Variants in CYP7B1 observed in about 807,000 individuals in gnomAD.
The protein encoded by CYP7B1 is cytochrome P450 7B1.
Under a neutral mutation model 42.7 loss-of-function variants are expected in CYP7B1, and 29 were observed. That is an observed-to-expected ratio of 0.68 (90% CI 0.51 to 0.93). CYP7B1 has a LOEUF of 0.93. Among genes scored for constraint, CYP7B1 ranks in the 40% least tolerant of loss-of-function variants. The probability of loss-of-function intolerance (pLI) is 0.00; values close to 1 mark genes in which losing one functional copy is unlikely to be tolerated. For missense variants in CYP7B1, 655 were observed against 600.5 expected (o/e 1.09, Z -0.95); for synonymous variants, 235 against 218.2 (o/e 1.08, Z -0.68).
At chr8:64,611,676 T>C (rs1390050556) in intron 4 of CYP7B1, among the ~76,000 whole-genome samples, 2 of 152,140 alleles carry the variant, frequency 1.3e-5, no homozygotes, top group Non-Finnish European at 2.9e-5. Flanking sequence ...TTAACATCCC[T>C]CACCTGGACC....
Position 64,616,212 on chromosome 8 carries a change from CTTAA to C in CYP7B1, c.325_328del (p.Leu109AlafsTer10). 1.2e-6 allele frequency: 2 copies of C among 1,610,260 alleles called. No individual in the cohort carries two copies. The highest frequency in any genetic ancestry group is 1.3e-5 in the African/African-American group (1 of 74,396). Reference sequence around the variant, plus strand: ...TAATTTATTAGAAAATACTCGAAAGCTTAATTGTTTATGATTTTTTATCACTAGC... The same window carrying C: ...TAATTTATTAGAAAATACTCGAAAGCTTGTTTATGATTTTTTATCACTAGC... On this transcript the variant is annotated frameshift_variant, in exon 3 of 6. Coordinates refer to ENST00000310193, the MANE Select transcript of CYP7B1 (RefSeq NM_004820.5). LOFTEE classifies it high-confidence loss of function.
At chr8:64,648,127 C>T (rs1229448209) in intron 1 of CYP7B1, among the ~76,000 whole-genome samples, 2 of 152,130 alleles carry the variant, frequency 1.3e-5, no homozygotes, top group Non-Finnish European at 2.9e-5. Flanking sequence ...TCAATGTTGA[C>T]AGAGGTGGGA....
rs1563374379 is a variant in CYP7B1, at chr8:64,643,170, T to TACATATATAC, written c.123-18632_123-18631insGTATATATGT. Among the ~76,000 whole-genome samples, 367 of 105,830 alleles carry TACATATATAC rather than the reference T, an allele frequency of 3.5e-3. 7 individuals carry two copies. Among genetic ancestry groups the TACATATATAC allele is most frequent in the African/African-American group, 0.011 (358 of 33,704 alleles). The allele number at this position is 105,830 out of a possible 152,430, so 69.4% of individuals were successfully genotyped here. On this transcript the variant is annotated intron_variant, in intron 1 of 5. Transcript: ENST00000310193. ...ACATATATACATATATACACATATA[T>TACATATATAC]ACATATATATACATATATATATACA... is the stretch of plus-strand genomic sequence containing the variant.
chr8:64,724,338 G>C (rs1216118366), intron 1 of CYP7B1, among the ~76,000 whole-genome samples: 2 of 152,096 alleles, frequency 1.3e-5, no homozygotes, highest in African/African-American at 4.8e-5. Flanking sequence ...GTACAGACGG[G>C]GTTTCACCAT....
chr8:64,642,151 T>A (rs1279184518), intron 1 of CYP7B1, among the ~76,000 whole-genome samples: 1 of 152,246 alleles, frequency 6.6e-6, no homozygotes, highest in East Asian at 1.9e-4. Flanking sequence ...ATGTACATTA[T>A]GATGTAATAC....
intron 1 of CYP7B1, among the ~76,000 whole-genome samples, chr8:64,772,534 G>A (rs1236360032): frequency 1.3e-5 from 2 of 152,192 alleles, no homozygotes; most frequent in Non-Finnish European, 2.9e-5. Context: ...TCACCCTGCA[G>A]ATTTTGGACT....
intron 1 of CYP7B1, among the ~76,000 whole-genome samples, chr8:64,718,572 G>C (rs1807191258): frequency 6.6e-6 from 1 of 152,196 alleles, no homozygotes; most frequent in Non-Finnish European, 1.5e-5. Flanking sequence ...TCCCCTTCTG[G>C]GGCATACATG....
intron 1 of CYP7B1, among the ~76,000 whole-genome samples, chr8:64,675,952 C>T (rs1174029639): frequency 6.6e-6 from 1 of 152,148 alleles, no homozygotes; most frequent in African/African-American, 2.4e-5. Flanking sequence ...CAAAATCACT[C>T]AGCACAAACT....
chr8:64,715,812 G>T (rs763346088), intron 1 of CYP7B1, among the ~76,000 whole-genome samples: 2 of 152,252 alleles, frequency 1.3e-5, no homozygotes, highest in African/African-American at 4.8e-5. Context: ...TTCTTAACAC[G>T]GACACAGCCT....
intron 1 of CYP7B1, among the ~76,000 whole-genome samples, chr8:64,784,006 C>T (rs1019327144): frequency 1.3e-5 from 2 of 152,024 alleles, no homozygotes; most frequent in Non-Finnish European, 2.9e-5. Context: ...TTTTATGAAT[C>T]ATTTTTCTTA....
In CYP7B1 at chr8:64,764,056, C is replaced by T. The variant is rs567260700; in HGVS notation, c.122+34410G>A. Among the ~76,000 whole-genome samples, 11 of 152,274 alleles carry T rather than the reference C, an allele frequency of 7.2e-5. No individual in the cohort carries two copies. The East Asian group carries it at 1.5e-3, about 21-fold the overall frequency. ...CATCTAGGCTATGAACCCAGGGAGTCCTGTCCCTGGTGTCCCTCCCAATTT... is the reference window on the plus strand; with the variant it reads ...CATCTAGGCTATGAACCCAGGGAGTTCTGTCCCTGGTGTCCCTCCCAATTT... On this transcript the variant is annotated intron_variant, in intron 1 of 5. Transcript: ENST00000310193.
intron 4 of CYP7B1, among the ~76,000 whole-genome samples, chr8:64,607,313 T>C (rs763330182): frequency 6.6e-6 from 1 of 151,888 alleles, no homozygotes; most frequent in African/African-American, 2.4e-5. Context: ...AAGCTTATAG[T>C]ATTGTTATTC....
intron 1 of CYP7B1, among the ~76,000 whole-genome samples, chr8:64,663,185 C>A (rs145527293): frequency 5.3e-5 from 8 of 152,218 alleles, no homozygotes; most frequent in Non-Finnish European, 1.2e-4. Flanking sequence ...TTCAATGGTA[C>A]TTTGTAAATA....
chr8:64,740,858 C>T (rs1447652035), intron 1 of CYP7B1, among the ~76,000 whole-genome samples: 1 of 152,152 alleles, frequency 6.6e-6, no homozygotes, highest in Non-Finnish European at 1.5e-5. Flanking sequence ...CAGTTCCTAA[C>T]TAATAATCTC....
At chr8:64,773,304 C>T (rs1804265443) in intron 1 of CYP7B1, among the ~76,000 whole-genome samples, 1 of 152,126 alleles carries the variant, frequency 6.6e-6, no homozygotes, top group South Asian at 2.1e-4. Flanking sequence ...TTAATTTCTT[C>T]TAATGTACAC....
At chr8:64,747,454 C>G (rs1312691034) in intron 1 of CYP7B1, among the ~76,000 whole-genome samples, 2 of 151,122 alleles carry the variant, frequency 1.3e-5, no homozygotes, top group African/African-American at 4.8e-5. Context: ...AAAGCCTTAC[C>G]AATAACATAA....
At chr8:64,655,641 C>T (rs1806109953) in intron 1 of CYP7B1, among the ~76,000 whole-genome samples, 1 of 152,162 alleles carries the variant, frequency 6.6e-6, no homozygotes. Flanking sequence ...AGCACAATTA[C>T]CATTCAACCC....
At chr8:64,672,588 A>G (rs1190055325) in intron 1 of CYP7B1, among the ~76,000 whole-genome samples, 1 of 152,054 alleles carries the variant, frequency 6.6e-6, no homozygotes, top group Non-Finnish European at 1.5e-5. Context: ...GGGGCAGAGG[A>G]AAAAATGTGG....
At chr8:64,757,897 G>T (rs961339108) in intron 1 of CYP7B1, among the ~76,000 whole-genome samples, 1 of 152,190 alleles carries the variant, frequency 6.6e-6, no homozygotes. Flanking sequence ...ATCCTCCCAT[G>T]GGGACAGTTC....
Sources: allele counts gnomAD v4.1 joint callset (sites outside exome capture counted in the v4.1 genomes callset), GRCh38; gene constraint gnomAD v4.1.1; transcripts MANE v1.5; gene names NCBI Gene and HGNC (gene_info 2026-07-23, HGNC 2026-07-21).